The following INPP4B variants were observed in gnomAD, a reference collection of about 807,000 sequenced individuals.
The protein encoded by INPP4B is inositol polyphosphate-4-phosphatase type II B.
Under a neutral mutation model 122.5 loss-of-function variants are expected in INPP4B, and 55 were observed. That is an observed-to-expected ratio of 0.45 (90% CI 0.36 to 0.56). INPP4B has a LOEUF of 0.56. Among genes scored for constraint, INPP4B ranks in the 20% least tolerant of loss-of-function variants. The pLI, the probability that INPP4B is intolerant of heterozygous loss-of-function variation, is 0.00. For synonymous variants in INPP4B, 403 were observed against 388.7 expected, an observed-to-expected ratio of 1.04 and a Z score of -0.43; for missense variants, 1,000 against 1,097.7, an observed-to-expected ratio of 0.91 and a Z score of 1.26.
chr4:142,471,922 T>C (rs191979897), intron 2 of INPP4B, among the ~76,000 whole-genome samples: 19 of 152,290 alleles, frequency 1.2e-4, no homozygotes, highest in Admixed American at 6.5e-4. Context: ...TATGACTGCA[T>C]TGGTATAAAG....
chr4:142,739,811 T>C (rs1767638227), intron 1 of INPP4B, among the ~76,000 whole-genome samples: 1 of 152,060 alleles, frequency 6.6e-6, no homozygotes, highest in South Asian at 2.1e-4. Flanking sequence ...CACATTATAT[T>C]TAAGAAACGC....
At position 142,374,779 on chromosome 4, in the gene INPP4B, C is replaced by T. The variant is rs538176431; in HGVS notation, c.372+28159G>A. ...TGTCATGAAAAATAATTATCAATTC[C>T]GTTTTTTATTCAATGAGGTAGGTCT... On this transcript the variant is annotated intron_variant, in intron 7 of 25. Coordinates refer to ENST00000262992, the MANE Select transcript of INPP4B (RefSeq NM_001101669.3). 6.6e-5 allele frequency among the ~76,000 whole-genome samples: 10 copies of T among 151,810 alleles called. No homozygotes were observed. In the South Asian group the frequency reaches 1.0e-3, roughly 16 times the overall value.
chr4:142,809,019 A>C (rs1286658721), intron 1 of INPP4B, among the ~76,000 whole-genome samples: 1 of 152,094 alleles, frequency 6.6e-6, no homozygotes, highest in Non-Finnish European at 1.5e-5. Context: ...CTTTGTATAT[A>C]AGTCATTAAA....
intron 2 of INPP4B, among the ~76,000 whole-genome samples, chr4:142,698,411 T>C (rs996511287): frequency 1.3e-5 from 2 of 152,102 alleles, no homozygotes; most frequent in African/African-American, 2.4e-5. Flanking sequence ...TCCACAGATA[T>C]GATCTTGCCT....
At chr4:142,058,028 A>C (rs934651552) in intron 25 of INPP4B, among the ~76,000 whole-genome samples, 2 of 152,016 alleles carry the variant, frequency 1.3e-5, no homozygotes, top group African/African-American at 4.8e-5. Flanking sequence ...ACTATACCGG[A>C]GTTAGCTTAG....
chr4:142,430,932 T>G (rs1036444064), intron 4 of INPP4B, among the ~76,000 whole-genome samples: 1 of 152,150 alleles, frequency 6.6e-6, no homozygotes, highest in African/African-American at 2.4e-5. Flanking sequence ...TGTTATTTGA[T>G]ATTTAACCAT....
chr4:142,316,192 C>T (rs1767583611), intron 7 of INPP4B, among the ~76,000 whole-genome samples: 1 of 152,182 alleles, frequency 6.6e-6, no homozygotes, highest in Admixed American at 6.5e-5. Flanking sequence ...AAATAAATGA[C>T]ATGAGAGATC....
At chr4:142,405,394 G>T in intron 5 of INPP4B, 70 bp from the exon 6 acceptor site, 1 of 953,990 alleles carries the variant, frequency 1.0e-6, no homozygotes, top group Non-Finnish European at 1.7e-6. Flanking sequence ...TCTGCGCCGG[G>T]CTGAAAGTGA....
At chr4:142,448,056 GGAT>G (rs1813294752) in intron 3 of INPP4B, among the ~76,000 whole-genome samples, 1 of 152,090 alleles carries the variant, frequency 6.6e-6, no homozygotes, top group African/African-American at 2.4e-5. Flanking sequence ...TAGCAAAACA[GGAT>G]AATACAATAG....
chr4:142,306,905 AG>A (rs1763599043), intron 8 of INPP4B, among the ~76,000 whole-genome samples: 1 of 152,176 alleles, frequency 6.6e-6, no homozygotes, highest in South Asian at 2.1e-4. Flanking sequence ...AGGAAAGGAA[AG>A]GATAGGAAAG....
chr4:142,176,737 C>T (rs1312256612), intron 15 of INPP4B, among the ~76,000 whole-genome samples: 1 of 152,082 alleles, frequency 6.6e-6, no homozygotes, highest in Non-Finnish European at 1.5e-5. Flanking sequence ...CTTTAGTATG[C>T]TGTAGCACTT....
At chr4:142,239,830 T>G (rs1462444582) in intron 11 of INPP4B, among the ~76,000 whole-genome samples, 1 of 152,002 alleles carries the variant, frequency 6.6e-6, no homozygotes, top group Non-Finnish European at 1.5e-5. Context: ...ATATAAATAT[T>G]TAGTTACTTA....
intron 3 of INPP4B, among the ~76,000 whole-genome samples, chr4:142,435,807 C>T (rs1019125898): frequency 1.3e-5 from 2 of 152,194 alleles, no homozygotes; most frequent in Non-Finnish European, 2.9e-5. Context: ...TGAACCCATG[C>T]CACTGGGGCC....
At chr4:142,724,023 C>T (rs2150853180) in intron 2 of INPP4B, among the ~76,000 whole-genome samples, 1 of 152,162 alleles carries the variant, frequency 6.6e-6, no homozygotes, top group Non-Finnish European at 1.5e-5. Flanking sequence ...TCATAATCAC[C>T]TTGGGAGTTG....
intron 2 of INPP4B, among the ~76,000 whole-genome samples, chr4:142,473,640 C>A (rs1382371422): frequency 2.0e-5 from 3 of 152,222 alleles, no homozygotes; most frequent in African/African-American, 2.4e-5. Flanking sequence ...AGTAAGATTG[C>A]TCCACCCAGC....
intron 12 of INPP4B, among the ~76,000 whole-genome samples, chr4:142,223,274 A>G (rs1850169377): frequency 6.6e-6 from 1 of 152,166 alleles, no homozygotes; most frequent in Non-Finnish European, 1.5e-5. Context: ...TTACTATAGT[A>G]GCTCTGCCAG....
chr4:142,027,334 A>G lies in INPP4B; in HGVS notation c.*1448T>C, dbSNP rs751547724. On this transcript the variant is annotated 3_prime_UTR_variant, in exon 26 of 26. Coordinates refer to ENST00000262992, the MANE Select transcript of INPP4B (RefSeq NM_001101669.3). ...TAGGCAAGGAGCTATCACATTAGCTATGGGAAGCATAATATCATCCATTGA... is the reference window on the plus strand; with the variant it reads ...TAGGCAAGGAGCTATCACATTAGCTGTGGGAAGCATAATATCATCCATTGA... 8.5e-5 allele frequency: 13 copies of G among 152,334 alleles called. No individual in the cohort carries two copies. The highest frequency in any genetic ancestry group is 1.6e-4 in the Non-Finnish European group (11 of 68,020). The allele number at this position is 152,334 out of a possible 1,614,324, so 9.4% of individuals were successfully genotyped here.
chr4:142,363,393 T>A (rs972050579), intron 7 of INPP4B, among the ~76,000 whole-genome samples: 16 of 151,898 alleles, frequency 1.1e-4, no homozygotes, highest in Admixed American at 7.2e-4. Context: ...AAGGATATAT[T>A]ATAATTATAT....
chr4:142,044,778 C>G (rs1345645971), intron 25 of INPP4B, among the ~76,000 whole-genome samples: 2 of 151,952 alleles, frequency 1.3e-5, no homozygotes, highest in East Asian at 3.9e-4. Context: ...CTCAGGAGAA[C>G]AAAAGTTATT....
Sources: gnomAD v4.1 joint callset for allele counts (sites outside exome capture counted in the v4.1 genomes callset) on GRCh38, gnomAD v4.1.1 for gene constraint, MANE v1.5 for transcripts, NCBI Gene and HGNC (gene_info 2026-07-23, HGNC 2026-07-21) for gene names.